The following LCOR variants were observed in gnomAD, a reference collection of about 807,000 sequenced individuals.
The protein encoded by LCOR is ligand dependent nuclear receptor corepressor.
A neutral mutation model predicts 64.4 loss-of-function variants in LCOR; 14 were observed. The ratio of observed to expected loss-of-function variants is 0.22; its 90% CI spans 0.14 to 0.34. The LOEUF is 0.34. Among genes scored for constraint, LCOR ranks in the 10% least tolerant of loss-of-function variants. The pLI, the probability that LCOR is intolerant of heterozygous loss-of-function variation, is 1.00. For missense variants in LCOR, 1,686 were observed against 1,765.3 expected (o/e 0.96, Z 0.80); for synonymous variants, 643 against 642.5 (o/e 1.00, Z -0.01).
intron 5 of LCOR, among the ~76,000 whole-genome samples, chr10:96,946,212 G>A (rs1847587940): frequency 6.6e-6 from 1 of 152,006 alleles, no homozygotes; most frequent in African/African-American, 2.4e-5. Context: ...TACCAAAAAT[G>A]TTTAGTATCC....
intron 4 of LCOR, among the ~76,000 whole-genome samples, chr10:96,909,289 T>A (rs1049895186): frequency 6.6e-6 from 1 of 152,230 alleles, no homozygotes; most frequent in African/African-American, 2.4e-5. Flanking sequence ...CTCCACATTT[T>A]AACCACTTTT....
At chr10:96,961,476 C>A (rs1847879676) in intron 7 of LCOR, 2 of 151,944 alleles carry the variant, frequency 1.3e-5, no homozygotes, top group South Asian at 2.1e-4. Flanking sequence ...TACACACATA[C>A]CAAAAAAATC....
chr10:96,958,846 T>A (rs1337292165), intron 7 of LCOR: 1 of 151,220 alleles, frequency 6.6e-6, no homozygotes, highest in Non-Finnish European at 1.4e-5. Flanking sequence ...TTGTGAAGCA[T>A]GGTTGAAATT....
At chr10:96,854,001 CACCCTTGACACGTGGGGATT>C (rs1359115834) in intron 2 of LCOR, among the ~76,000 whole-genome samples, 4 of 152,136 alleles carry the variant, frequency 2.6e-5, no homozygotes, top group Non-Finnish European at 5.9e-5. Flanking sequence ...TATCTGGTCC[CACCCTTGACACGTGGGGATT>C]ATGGAGATTA....
chr10:96,963,732 ACT>A (rs1414622257), intron 7 of LCOR: 2 of 152,152 alleles, frequency 1.3e-5, no homozygotes, highest in African/African-American at 2.4e-5. Flanking sequence ...TAATGTTAAG[ACT>A]TGCCTCTTTA....
rs763427126 is a variant in LCOR at position 96,984,119 on chromosome 10, A to C, written c.3659A>C (p.Tyr1220Ser). 6.2e-6 allele frequency: 10 copies of C among 1,614,056 alleles called. No individual in the cohort carries two copies. Among genetic ancestry groups the C allele is most frequent in the Non-Finnish European group, 8.5e-6 (10 of 1,180,040 alleles). ...CCTGTCAAGCATCCTCTTCAGAAATACGCTCCTTCCAGCCTATATCCCAGT... is the reference window on the plus strand; with the variant it reads ...CCTGTCAAGCATCCTCTTCAGAAATCCGCTCCTTCCAGCCTATATCCCAGT... ...VPPVKHPLQK[Y>S]APSSLYPSSL... Residue 1220 changes from tyrosine to serine, a missense_variant, in exon 8 of 8, where the codon TAC becomes TCC. Coordinates refer to ENST00000421806, the MANE Select transcript of LCOR (RefSeq NM_001346516.2).
intron 2 of LCOR, among the ~76,000 whole-genome samples, chr10:96,862,008 T>G (rs1327268715): frequency 1.3e-5 from 2 of 152,234 alleles, no homozygotes; most frequent in East Asian, 3.8e-4. Context: ...TAACTCCCTC[T>G]TTGCATTTGA....
intron 4 of LCOR, among the ~76,000 whole-genome samples, chr10:96,925,396 A>G (rs1012794885): frequency 2.0e-5 from 3 of 152,124 alleles, no homozygotes; most frequent in Non-Finnish European, 2.9e-5. Context: ...TTTAATGACA[A>G]TGACATTTTT....
At chr10:96,858,639 A>G (rs1481487232) in intron 2 of LCOR, among the ~76,000 whole-genome samples, 1 of 152,198 alleles carries the variant, frequency 6.6e-6, no homozygotes, top group African/African-American at 2.4e-5. Flanking sequence ...TAGGCTTGTC[A>G]TTACTTTTGG....
At chr10:96,978,537 A>C (rs928281615) in intron 7 of LCOR, among the ~76,000 whole-genome samples, 2 of 152,190 alleles carry the variant, frequency 1.3e-5, no homozygotes, top group African/African-American at 2.4e-5. Context: ...TTTTTCCTAG[A>C]GTATTCACAA....
At chr10:96,891,360 A>G (rs2134432691) in intron 2 of LCOR, among the ~76,000 whole-genome samples, 1 of 150,824 alleles carries the variant, frequency 6.6e-6, no homozygotes, top group Middle Eastern at 3.4e-3. Flanking sequence ...CCCCAGTTTT[A>G]TTCCTGATTT....
chr10:96,994,196 T>G lies in LCOR; in HGVS notation c.*9062T>G, dbSNP rs1196716994. Reference sequence around the variant, plus strand: ...ATGTAAGACTTGTTACAACAGAAATTTAAGTGGCCAGTTCAATGTCCTTTG... The same window carrying G: ...ATGTAAGACTTGTTACAACAGAAATGTAAGTGGCCAGTTCAATGTCCTTTG... On this transcript the variant is annotated 3_prime_UTR_variant, in exon 8 of 8. Coordinates refer to ENST00000421806, the MANE Select transcript of LCOR (RefSeq NM_001346516.2). 1 of 152,184 alleles carries G rather than the reference T, an allele frequency of 6.6e-6. No individual in the cohort carries two copies. The highest frequency in any genetic ancestry group is 1.5e-5 in the Non-Finnish European group (1 of 68,036). The allele number at this position is 152,184 out of a possible 1,614,324, so 9.4% of individuals were successfully genotyped here.
chr10:96,910,767 A>C (rs1284172203), intron 4 of LCOR, among the ~76,000 whole-genome samples: 3 of 152,242 alleles, frequency 2.0e-5, no homozygotes, highest in African/African-American at 7.2e-5. Flanking sequence ...TAATCTAGGT[A>C]GTATTTGGAA....
intron 2 of LCOR, among the ~76,000 whole-genome samples, chr10:96,879,264 A>G (rs568845623): frequency 6.6e-6 from 1 of 152,362 alleles, no homozygotes; most frequent in Non-Finnish European, 1.5e-5. Flanking sequence ...GCCCAAGACC[A>G]CACAGCTAGA....
chr10:96,913,525 A>T (rs532389014), intron 4 of LCOR, among the ~76,000 whole-genome samples: 1 of 152,198 alleles, frequency 6.6e-6, no homozygotes, highest in South Asian at 2.1e-4. Context: ...ATGATGGGAG[A>T]GTAGGATGTT....
rs189178439 is a variant in LCOR, at chr10:96,838,714, T to C, written c.-330+5235T>C. ...ATTGTGTGGACATACCACATTTTGT[T>C]TATCCGTTAATCAGTTGATGGATAT... is the stretch of plus-strand genomic sequence containing the variant. On this transcript the variant is annotated intron_variant, in intron 2 of 7. Coordinates refer to ENST00000421806, the MANE Select transcript of LCOR (RefSeq NM_001346516.2). 7.2e-4 allele frequency among the ~76,000 whole-genome samples: 110 copies of C among 152,382 alleles called. 1 individual carries two copies. Among genetic ancestry groups the C allele is most frequent in the African/African-American group, 2.3e-3 (96 of 41,596 alleles).
chr10:96,973,803 T>C (rs892320459), intron 7 of LCOR, among the ~76,000 whole-genome samples: 21 of 152,242 alleles, frequency 1.4e-4, no homozygotes, highest in African/African-American at 4.8e-4. Flanking sequence ...GAATGTATTT[T>C]GGTCATCAGT....
chr10:96,839,746 C>T (rs1045888625), intron 2 of LCOR, among the ~76,000 whole-genome samples: 6 of 151,656 alleles, frequency 4.0e-5, no homozygotes, highest in African/African-American at 9.7e-5. Context: ...ACTGCAGTGG[C>T]GTGATCATGG....
chr10:96,941,380 C>T (rs1480704488), intron 4 of LCOR, among the ~76,000 whole-genome samples: 15 of 146,410 alleles, frequency 1.0e-4, no homozygotes, highest in Non-Finnish European at 2.1e-4. Context: ...GCGCCCCTCA[C>T]CTCCCGGACT....
Sources: gnomAD v4.1 joint callset for allele counts (sites outside exome capture counted in the v4.1 genomes callset) on GRCh38, gnomAD v4.1.1 for gene constraint, MANE v1.5 for transcripts, NCBI Gene and HGNC (gene_info 2026-07-23, HGNC 2026-07-21) for gene names.